Variants in BUD13 observed in about 807,000 individuals in gnomAD.
BUD13 encodes the protein BUD13 spliceosome associated protein.
A neutral mutation model predicts 62.5 loss-of-function variants in BUD13; 47 were observed. The observed-to-expected ratio is 0.75, with a 90% CI of 0.60 to 0.96. The LOEUF is 0.96. Ranked by LOEUF, BUD13 falls within the 40% of genes least tolerant of loss-of-function variation. BUD13 has a pLI of 0.00. For missense variants in BUD13, 821 were observed against 790.9 expected (o/e 1.04, Z -0.46); for synonymous variants, 293 against 280.1 (o/e 1.05, Z -0.46).
Position 116,770,148 on chromosome 11 carries a change from T to C in BUD13, c.218A>G (p.Asp73Gly). The change falls in exon 2 of 10, where the codon GAT becomes GGT. Residue 73 changes from aspartate to glycine, a missense_variant. Coordinates refer to ENST00000260210, the MANE Select transcript of BUD13 (RefSeq NM_032725.4). The stretch of plus-strand genomic sequence containing the variant: ...ACATACCACAGGCAAATCTCCATCA[T>C]CTTCCTCTTCCTCCTTTTCTAGTTT... ...TTKLEKEEEEDDGDLPVVAEF... is the reference protein window; with the variant it reads ...TTKLEKEEEEGDGDLPVVAEF... 1.2e-6 allele frequency: 2 copies of C among 1,612,186 alleles called. No homozygotes were observed. The highest frequency in any genetic ancestry group is 2.2e-5 in the South Asian group (2 of 90,998).
At chr11:116,758,125 C>T (rs1186120964) in intron 7 of BUD13, 144 bp downstream of exon 7, 5 of 1,417,966 alleles carry the variant, frequency 3.5e-6, no homozygotes, top group Middle Eastern at 3.7e-4. Context: ...TATCAATATC[C>T]TAGGAAGAAG....
intron 6 of BUD13, 110 bp from the exon 7 acceptor site, chr11:116,758,517 A>G: frequency 8.3e-7 from 1 of 1,205,060 alleles, no homozygotes; most frequent in Non-Finnish European, 1.2e-6. Context: ...TTCTGCAGCC[A>G]GACCAAAGTA....
Position 116,772,905 on chromosome 11 carries a change from T to C in BUD13, c.60A>G (p.Ala20=), listed in dbSNP as rs761679078. ...CAGATCCCCGGTCGACGCCGGCATC[T>C]GCCCCGGACAAGTAACGCTTCAGAT... ...AEYLKRYLSG[A]DAGVDRGSES... is the part of the protein sequence containing the mutation. The change falls in exon 1 of 10, where the codon GCA becomes GCG. Residue 20 remains alanine (A), a synonymous_variant. Coordinates refer to ENST00000260210, the MANE Select transcript of BUD13 (RefSeq NM_032725.4). 6 of 1,590,394 alleles carry C rather than the reference T, an allele frequency of 3.8e-6. No homozygotes were observed. Among genetic ancestry groups the C allele is most frequent in the Non-Finnish European group, 5.1e-6 (6 of 1,169,086 alleles).
At position 116,757,169 on chromosome 11, in the gene BUD13, T is replaced by C. The variant is rs572588319; in HGVS notation, c.1743A>G (p.Gly581=). ...PPPNRFNIWP[G]YRWDGVDRSN... is the part of the protein sequence containing the mutation. ...ACCTGTCCACTCCGTCCCAGCGATATCCAGGCCAGATATTAAATCTGTTGG... is the reference window on the plus strand; with the variant it reads ...ACCTGTCCACTCCGTCCCAGCGATACCCAGGCCAGATATTAAATCTGTTGG... Residue 581 remains glycine, a synonymous_variant, in exon 9 of 10, where the codon GGA becomes GGG. Coordinates refer to ENST00000260210, the MANE Select transcript of BUD13 (RefSeq NM_032725.4). The C allele has an allele frequency of 1.9e-6, 3 of 1,614,150 alleles. No homozygotes were observed. The highest frequency in any genetic ancestry group is 2.2e-5 in the South Asian group (2 of 91,080).
At chr11:116,757,306 C>CTT in intron 8 of BUD13, 79 bp from the exon 9 acceptor site, 1 of 1,327,366 alleles carries the variant, frequency 7.5e-7, no homozygotes, top group Non-Finnish European at 1.1e-6. Flanking sequence ...TGGAATTTTC[C>CTT]TTTTTTTTTA....
At chr11:116,757,644 C>A in intron 8 of BUD13, 122 bp downstream of exon 8, 1 of 1,262,798 alleles carries the variant, frequency 7.9e-7, no homozygotes, top group African/African-American at 1.5e-5. Flanking sequence ...TGAATCTAAA[C>A]TCACAAATAC....
At chr11:116,760,256 T>C (rs1000792308) in intron 5 of BUD13, among the ~76,000 whole-genome samples, 2 of 152,238 alleles carry the variant, frequency 1.3e-5, no homozygotes, top group African/African-American at 4.8e-5. Context: ...TTAATTATCA[T>C]AACAACCTTA....
intron 4 of BUD13, 105 bp downstream of exon 4, chr11:116,762,448 C>CT: frequency 9.5e-7 from 1 of 1,051,528 alleles, no homozygotes; most frequent in Non-Finnish European, 1.4e-6. Context: ...CTTTTCAAAA[C>CT]TTTCCCAAAG....
chr11:116,765,562 T>A (rs1940518282), intron 2 of BUD13, 116 bp from the exon 3 acceptor site: 2 of 1,019,592 alleles, frequency 2.0e-6, no homozygotes, highest in Non-Finnish European at 3.0e-6. Flanking sequence ...CGTACATATA[T>A]CCAAAATGGT....
intron 9 of BUD13, among the ~76,000 whole-genome samples, chr11:116,752,311 T>C (rs1940251123): frequency 6.6e-6 from 1 of 152,072 alleles, no homozygotes; most frequent in African/African-American, 2.4e-5. Flanking sequence ...AGATACTATA[T>C]ATCTGTTCCG....
intron 3 of BUD13, among the ~76,000 whole-genome samples, chr11:116,763,876 G>C (rs1033204322): frequency 2.6e-5 from 4 of 152,192 alleles, no homozygotes; most frequent in Non-Finnish European, 5.9e-5. Flanking sequence ...CCATAAAAAA[G>C]AAAGGAGCAA....
Position 116,748,283 on chromosome 11 carries a change from G to A in BUD13, c.*199C>T, listed in dbSNP as rs1304333639. 8 of 488,636 alleles carry A rather than the reference G, an allele frequency of 1.6e-5. No homozygotes were observed. Among genetic ancestry groups the A allele is most frequent in the African/African-American group, 3.9e-5 (2 of 50,952 alleles). 30.3% of individuals were successfully genotyped at this position (488,636 alleles called of 1,614,324 possible). A position where few individuals can be genotyped will look rare whatever the true frequency, so the allele number is the denominator to read the frequency against. ...CTTCCTCTGAAAGCCAGCAACAGCC[G>A]GTGCTGTCACACCCAAGAAGTACAG... On this transcript the variant is annotated 3_prime_UTR_variant, in exon 10 of 10. Coordinates refer to ENST00000260210, the MANE Select transcript of BUD13 (RefSeq NM_032725.4).
intron 9 of BUD13, among the ~76,000 whole-genome samples, chr11:116,753,345 G>A (rs1420123860): frequency 6.6e-6 from 1 of 152,152 alleles, no homozygotes; most frequent in Non-Finnish European, 1.5e-5. Flanking sequence ...TTGGCTAACT[G>A]TTAAATGACA....
chr11:116,762,513 G>A, intron 4 of BUD13, 40 bp downstream of exon 4: 2 of 1,469,052 alleles, frequency 1.4e-6, no homozygotes, highest in Non-Finnish European at 1.8e-6. Context: ...AAAGCTCCCA[G>A]GGATACATAC....
chr11:116,771,404 G>A lies in BUD13; in HGVS notation c.144-1182C>T, dbSNP rs187889483. Among the ~76,000 whole-genome samples, 27 of 152,258 alleles carry A rather than the reference G, an allele frequency of 1.8e-4. No homozygotes were observed. In the East Asian group the frequency reaches 3.7e-3, roughly 21 times the overall value. ...GAAATATTCAATAAATGTTTGTTAC[G>A]TGGATAAACTATATAGCTGAGCCCA... On this transcript the variant is annotated intron_variant, in intron 1 of 9. Coordinates refer to ENST00000260210, the MANE Select transcript of BUD13 (RefSeq NM_032725.4).
chr11:116,758,245 T>C, intron 7 of BUD13, 24 bp downstream of exon 7: 1 of 1,613,162 alleles, frequency 6.2e-7, no homozygotes, highest in Non-Finnish European at 8.5e-7. Flanking sequence ...GCCATCTTGT[T>C]TACCCTTTCA....
chr11:116,769,225 A>G (rs1263149), intron 2 of BUD13, among the ~76,000 whole-genome samples: 76,846 of 151,674 alleles, frequency 0.51, 19,583 homozygotes, highest in Middle Eastern at 0.57. Flanking sequence ...TTCAAAACTC[A>G]GTATTTACAT....
chr11:116,761,529 T>C (rs538560414), intron 4 of BUD13, among the ~76,000 whole-genome samples: 100 of 152,324 alleles, frequency 6.6e-4, no homozygotes, highest in African/African-American at 2.2e-3. Flanking sequence ...TATGGCATTC[T>C]ATTCCCAAGT....
intron 2 of BUD13, among the ~76,000 whole-genome samples, chr11:116,767,098 G>A (rs1258355314): frequency 1.3e-5 from 2 of 151,654 alleles, no homozygotes; most frequent in Non-Finnish European, 1.5e-5. Context: ...TGAGGCAGGA[G>A]GTTCACTTGA....
Sources: allele counts gnomAD v4.1 joint callset (sites outside exome capture counted in the v4.1 genomes callset), GRCh38; gene constraint gnomAD v4.1.1; transcripts MANE v1.5; gene names NCBI Gene and HGNC (gene_info 2026-07-23, HGNC 2026-07-21).